OPCML: variants seen among roughly 807,000 people sequenced by gnomAD.
OPCML encodes the protein opioid-binding protein/cell adhesion molecule.
OPCML carries 13 observed loss-of-function variants against 37.8 expected under a neutral mutation model. The observed-to-expected ratio is 0.34, with a 90% CI of 0.22 to 0.55. OPCML has a LOEUF of 0.55. Ranked by LOEUF, OPCML falls within the 20% of genes least tolerant of loss-of-function variation. The pLI is 0.91. For synonymous variants in OPCML, 176 were observed against 168.8 expected (o/e 1.04, Z -0.33); for missense variants, 341 against 435.6 (o/e 0.78, Z 1.93).
chr11:133,209,999 G>C (rs764128702), intron 1 of OPCML, among the ~76,000 whole-genome samples: 2 of 152,174 alleles, frequency 1.3e-5, no homozygotes, highest in African/African-American at 4.8e-5. Context: ...GAGCAGGTAG[G>C]TGCCTTCCAA....
intron 1 of OPCML, among the ~76,000 whole-genome samples, chr11:133,476,753 C>G (rs1431748466): frequency 6.6e-6 from 1 of 152,180 alleles, no homozygotes; most frequent in African/African-American, 2.4e-5. Flanking sequence ...ACAGGGCAAG[C>G]AGTGAGAAGC....
rs2155374 is a variant in OPCML, at chr11:132,420,528, G to A, written c.917-235C>T. On this transcript the variant is annotated intron_variant, in intron 7 of 7. Coordinates refer to ENST00000524381, the MANE Select transcript of OPCML (RefSeq NM_001012393.5). ...AAAGACTATGCTTAAAAAGTAAATA[G>A]GTGAAGCTCAGGCTAGTCATTGAGG... 0.01 allele frequency: 3,879 copies of A among 378,034 alleles called. 203 individuals carry two copies. In the East Asian group the frequency reaches 0.17, roughly 17 times the overall value. 23.4% of individuals were successfully genotyped at this position (378,034 alleles called of 1,614,324 possible).
chr11:132,892,143 T>G (rs1943675400), intron 2 of OPCML, among the ~76,000 whole-genome samples: 1 of 152,226 alleles, frequency 6.6e-6, no homozygotes, highest in Non-Finnish European at 1.5e-5. Context: ...TCCAATGTCA[T>G]CACCTAGAAA....
rs1555167614 is a variant in OPCML, at chr11:133,499,787, T to TATAC, written c.61+32476_61+32477insGTAT. Among the ~76,000 whole-genome samples, 57 of 141,506 alleles carry TATAC rather than the reference T, an allele frequency of 4.0e-4. No individual in the cohort carries two copies. In the East Asian group the frequency reaches 0.011, roughly 27 times the overall value. 92.8% of individuals were successfully genotyped at this position (141,506 alleles called of 152,430 possible). ...AGAAAAATAAATATATATATATATA[T>TATAC]ACACATATATATATGTGTGTGTATA... On this transcript the variant is annotated intron_variant, in intron 1 of 7. Transcript: ENST00000524381.
At chr11:132,577,784 C>T (rs947478050) in intron 3 of OPCML, among the ~76,000 whole-genome samples, 7 of 152,160 alleles carry the variant, frequency 4.6e-5, no homozygotes, top group Admixed American at 1.3e-4. Context: ...GTAACCCTGT[C>T]TACAATCAAC....
rs748402002 is a variant in OPCML at position 133,320,294 on chromosome 11, C to T, written c.61+211970G>A. On this transcript the variant is annotated intron_variant, in intron 1 of 7. Coordinates refer to ENST00000524381, the MANE Select transcript of OPCML (RefSeq NM_001012393.5). Reference sequence around the variant, plus strand: ...TTGTCTATTCTTCCTCCTTACCCATCGCCCCTCCTATTCAATAATAGTTAT... The same window carrying T: ...TTGTCTATTCTTCCTCCTTACCCATTGCCCCTCCTATTCAATAATAGTTAT... Among the ~76,000 whole-genome samples, 7 of 152,134 alleles carry T rather than the reference C, an allele frequency of 4.6e-5. No homozygotes were observed. The East Asian group carries it at 5.8e-4, about 13-fold the overall frequency.
intron 2 of OPCML, among the ~76,000 whole-genome samples, chr11:132,709,263 A>G (rs1472998106): frequency 6.6e-6 from 1 of 152,234 alleles, no homozygotes; most frequent in Non-Finnish European, 1.5e-5. Flanking sequence ...TGTTCTTAAA[A>G]AAATGCCCAA....
intron 1 of OPCML, among the ~76,000 whole-genome samples, chr11:133,126,758 A>G (rs1038087069): frequency 6.6e-6 from 1 of 152,086 alleles, no homozygotes; most frequent in Admixed American, 6.6e-5. Context: ...GCCCAAGGCT[A>G]CCCAGCTACA....
intron 2 of OPCML, among the ~76,000 whole-genome samples, chr11:132,757,812 T>A (rs894429340): frequency 6.6e-6 from 1 of 152,240 alleles, no homozygotes; most frequent in African/African-American, 2.4e-5. Flanking sequence ...TTAGATTCCA[T>A]TTGTCAATTT....
chr11:132,997,270 A>G (rs890132032), intron 1 of OPCML, among the ~76,000 whole-genome samples: 2 of 152,222 alleles, frequency 1.3e-5, no homozygotes, highest in African/African-American at 4.8e-5. Flanking sequence ...GCACAGGATT[A>G]GATAGGGCAG....
intron 1 of OPCML, among the ~76,000 whole-genome samples, chr11:133,378,000 T>TTA (rs1565602482): frequency 5.9e-5 from 9 of 152,226 alleles, no homozygotes; most frequent in Non-Finnish European, 1.2e-4. Context: ...TAATACGCCA[T>TTA]ATTGAGCTGA....
chr11:132,557,296 G>A (rs10894577), intron 3 of OPCML, among the ~76,000 whole-genome samples: 99,402 of 152,076 alleles, frequency 0.65, 33,155 homozygotes, highest in East Asian at 0.85. Flanking sequence ...CTCCTCAGTC[G>A]TAGAGGGAGT....
At chr11:132,671,988 A>T (rs1397243324) in intron 2 of OPCML, among the ~76,000 whole-genome samples, 1 of 152,190 alleles carries the variant, frequency 6.6e-6, no homozygotes, top group African/African-American at 2.4e-5. Flanking sequence ...CTTCCTCAGC[A>T]CACTGACTAC....
intron 3 of OPCML, among the ~76,000 whole-genome samples, chr11:132,612,350 T>A (rs2137853469): frequency 6.6e-6 from 1 of 152,332 alleles, no homozygotes; most frequent in Admixed American, 6.5e-5. Context: ...AAATAACTGA[T>A]ATTATAGATA....
At position 133,173,377 on chromosome 11, in the gene OPCML, TAGG is replaced by T. The variant is rs1490465227; in HGVS notation, c.62-230370_62-230368del. 6.6e-6 allele frequency among the ~76,000 whole-genome samples: 1 copy of T among 152,180 alleles called. No homozygotes were observed. The highest frequency in any genetic ancestry group is 1.5e-5 in the Non-Finnish European group (1 of 68,032). ...CTGAGACTCATAGAGAGGGTATCGA[TAGG>T]AGTACAGATCCCAGTATGTTGCACA... On this transcript the variant is annotated intron_variant, in intron 1 of 7. Coordinates refer to ENST00000524381, the MANE Select transcript of OPCML (RefSeq NM_001012393.5). The surrounding 1 kb of genome is among the most constrained non-coding windows in gnomAD (Gnocchi z 7.8).
At position 133,212,638 on chromosome 11, in the gene OPCML, T is replaced by C. The variant is rs1019997743; in HGVS notation, c.62-269628A>G. ...TGTCATCTTCTAACAGCCTCTGTGA[T>C]TTACCTTCTCACTGTGACTGTTGTT... On this transcript the variant is annotated intron_variant, in intron 1 of 7. Coordinates refer to ENST00000524381, the MANE Select transcript of OPCML (RefSeq NM_001012393.5). The surrounding 1 kb of genome is among the most constrained non-coding windows in gnomAD (Gnocchi z 4.9). 6.6e-6 allele frequency among the ~76,000 whole-genome samples: 1 copy of C among 152,232 alleles called. No individual in the cohort carries two copies. Among genetic ancestry groups the C allele is most frequent in the East Asian group, 1.9e-4 (1 of 5,206 alleles).
intron 2 of OPCML, among the ~76,000 whole-genome samples, chr11:132,885,916 G>A (rs1439927568): frequency 6.6e-6 from 1 of 152,050 alleles, no homozygotes; most frequent in Non-Finnish European, 1.5e-5. Flanking sequence ...AATGTCTTGT[G>A]TAGATACATG....
At chr11:133,150,665 G>A (rs1301030794) in intron 1 of OPCML, among the ~76,000 whole-genome samples, 1 of 152,182 alleles carries the variant, frequency 6.6e-6, no homozygotes, top group African/African-American at 2.4e-5. Flanking sequence ...AGCACCCACT[G>A]TGCAGTGTCG....
At chr11:133,181,123 C>T (rs1937806950) in intron 1 of OPCML, among the ~76,000 whole-genome samples, 1 of 152,110 alleles carries the variant, frequency 6.6e-6, no homozygotes, top group Non-Finnish European at 1.5e-5. Flanking sequence ...AGGGAGAACA[C>T]GTTAGTGGTT....
Sources: allele counts gnomAD v4.1 joint callset (sites outside exome capture counted in the v4.1 genomes callset), GRCh38; gene constraint gnomAD v4.1.1; non-coding constraint Gnocchi (gnomAD v3.1); transcripts MANE v1.5; gene names NCBI Gene and HGNC (gene_info 2026-07-23, HGNC 2026-07-21).